SLC26A8: variants seen among roughly 807,000 people sequenced by gnomAD.
SLC26A8 encodes the protein testis anion transporter 1.
SLC26A8 carries 70 observed loss-of-function variants against 105.0 expected under a neutral mutation model. The observed-to-expected ratio is 0.67, with a 90% CI of 0.55 to 0.81. The LOEUF is 0.81. SLC26A8 is among the 40% of genes least tolerant of loss of function. SLC26A8 has a pLI of 0.00. For synonymous variants in SLC26A8, 415 were observed against 438.3 expected (o/e 0.95, Z 0.66); for missense variants, 998 against 1,181.8 (o/e 0.84, Z 2.28).
At chr6:35,987,999 C>A (rs1180021816) in intron 7 of SLC26A8, among the ~76,000 whole-genome samples, 1 of 151,518 alleles carries the variant, frequency 6.6e-6, no homozygotes, top group South Asian at 2.1e-4. Flanking sequence ...GCGACCTCCG[C>A]CTCCCGGGTT....
At chr6:35,950,018 C>A (rs1432600102) in intron 19 of SLC26A8, among the ~76,000 whole-genome samples, 1 of 151,920 alleles carries the variant, frequency 6.6e-6, no homozygotes, top group African/African-American at 2.4e-5. Context: ...AGGATGGTCT[C>A]GATCTCCTGA....
At chr6:36,015,478 T>C (rs941944040) in intron 2 of SLC26A8, among the ~76,000 whole-genome samples, 1 of 152,116 alleles carries the variant, frequency 6.6e-6, no homozygotes, top group African/African-American at 2.4e-5. Flanking sequence ...GAGAGAATTG[T>C]ATGTTTTAGA....
At chr6:35,985,598 C>T (rs778271392) in intron 7 of SLC26A8, among the ~76,000 whole-genome samples, 7 of 145,506 alleles carry the variant, frequency 4.8e-5, no homozygotes, top group Non-Finnish European at 8.9e-5. Context: ...GAGGCTGAGG[C>T]AGGAGAATCG....
At position 35,997,912 on chromosome 6, in the gene SLC26A8, G is replaced by T; in HGVS notation, c.453C>A (p.Phe151Leu). 3.1e-6 allele frequency: 5 copies of T among 1,613,596 alleles called. No homozygotes were observed. The highest frequency in any genetic ancestry group is 3.4e-6 in the Non-Finnish European group (4 of 1,179,768). The change falls in exon 5 of 20, where the codon TTC (phenylalanine) becomes TTA (leucine). Residue 151 changes from phenylalanine to leucine, a missense_variant. Transcript: ENST00000490799. ...GSCHQMSIGS[F>L]FLVSALLINV... is the part of the protein sequence containing the mutation. ...TGATCAGCAGAGCACTCACCAGGAA[G>T]AAGGAACCTGTGGAAGAAGATGTTA...
At chr6:35,957,330 ATT>A (rs67300118) in intron 16 of SLC26A8, among the ~76,000 whole-genome samples, 79 of 148,844 alleles carry the variant, frequency 5.3e-4, no homozygotes, top group Admixed American at 8.8e-4. Flanking sequence ...TGATGTTTCT[ATT>A]TTTTTTTTTA....
At chr6:35,958,052 T>C (rs1412573985) in intron 16 of SLC26A8, among the ~76,000 whole-genome samples, 1 of 152,238 alleles carries the variant, frequency 6.6e-6, no homozygotes, top group Non-Finnish European at 1.5e-5. Context: ...GGTGTCTTTG[T>C]CGAAGCCTGT....
intron 6 of SLC26A8, 130 bp from the exon 7 acceptor site, chr6:35,991,938 G>C (rs976541435): frequency 5.6e-6 from 5 of 889,666 alleles, no homozygotes; most frequent in Non-Finnish European, 7.9e-6. Flanking sequence ...GTCTTTATGG[G>C]TATTACTAGA....
intron 7 of SLC26A8, among the ~76,000 whole-genome samples, chr6:35,984,550 C>T (rs1207971328): frequency 6.6e-6 from 1 of 152,000 alleles, no homozygotes; most frequent in African/African-American, 2.4e-5. Flanking sequence ...TCTCAAACTC[C>T]TGACCTCGAG....
chr6:35,962,718 T>C (rs1379031675), intron 11 of SLC26A8, 97 bp from the exon 12 acceptor site: 5 of 1,048,116 alleles, frequency 4.8e-6, no homozygotes, highest in Admixed American at 2.1e-5. Flanking sequence ...CTTGCCACTT[T>C]GAGATATTTT....
chr6:35,957,257 G>A (rs764011455), intron 16 of SLC26A8, among the ~76,000 whole-genome samples: 10 of 151,544 alleles, frequency 6.6e-5, no homozygotes, highest in African/African-American at 1.2e-4. Context: ...ATATATGGAT[G>A]AGAACTATAA....
chr6:35,978,562 C>T (rs1773135351), intron 8 of SLC26A8, among the ~76,000 whole-genome samples: 1 of 151,942 alleles, frequency 6.6e-6, no homozygotes, highest in Non-Finnish European at 1.5e-5. Context: ...ATATGTATGC[C>T]TCAACAGTTG....
chr6:36,016,703 A>T (rs2127374261), intron 2 of SLC26A8, among the ~76,000 whole-genome samples: 1 of 152,358 alleles, frequency 6.6e-6, no homozygotes, highest in East Asian at 1.9e-4. Flanking sequence ...ACCGTTTACT[A>T]GGTGAAGACA....
intron 3 of SLC26A8, among the ~76,000 whole-genome samples, chr6:36,004,358 G>A (rs965167656): frequency 1.3e-5 from 2 of 152,128 alleles, no homozygotes; most frequent in African/African-American, 4.8e-5. Context: ...TTATAGGCAT[G>A]AGCCATTGCA....
Position 35,951,156 on chromosome 6 carries a change from G to T in SLC26A8, c.2472+7C>A. The T allele has an allele frequency of 6.8e-7, 1 of 1,461,094 alleles. No individual in the cohort carries two copies. Among genetic ancestry groups the T allele is most frequent in the Non-Finnish European group, 9.2e-7 (1 of 1,091,084 alleles). 90.5% of individuals were successfully genotyped at this position (1,461,094 alleles called of 1,614,324 possible). On this transcript the variant is annotated splice_region_variant and intron_variant, in intron 19 of 19. Transcript: ENST00000490799. Reference sequence around the variant, plus strand: ...CCCCAACCTCATGCTTTGTCGGTTTGTCTGACCTTGTCTGTTTCTGAGTAG... The same window carrying T: ...CCCCAACCTCATGCTTTGTCGGTTTTTCTGACCTTGTCTGTTTCTGAGTAG...
chr6:35,962,383 T>G, intron 12 of SLC26A8, 143 bp downstream of exon 12: 1 of 674,244 alleles, frequency 1.5e-6, no homozygotes. Flanking sequence ...TGACTCTCCT[T>G]TTTAAAGCAA....
At chr6:35,962,711 GC>G in intron 11 of SLC26A8, 90 bp from the exon 12 acceptor site, 1 of 1,159,802 alleles carries the variant, frequency 8.6e-7, no homozygotes, top group Non-Finnish European at 1.3e-6. Flanking sequence ...AGTTAGCCTT[GC>G]CACTTTGAGA....
At chr6:35,985,509 A>G (rs765099575) in intron 7 of SLC26A8, among the ~76,000 whole-genome samples, 2 of 151,866 alleles carry the variant, frequency 1.3e-5, no homozygotes, top group Non-Finnish European at 2.9e-5. Flanking sequence ...CCTGGCCAAC[A>G]TGGTGAAACC....
At chr6:35,967,882 C>T (rs1347243073) in intron 11 of SLC26A8, among the ~76,000 whole-genome samples, 1 of 152,130 alleles carries the variant, frequency 6.6e-6, no homozygotes, top group South Asian at 2.1e-4. Flanking sequence ...TTGAAACAGT[C>T]TCACTCGGTC....
chr6:35,954,896 G>C, intron 17 of SLC26A8: 1 of 387,766 alleles, frequency 2.6e-6, no homozygotes, highest in Non-Finnish European at 4.8e-6. Flanking sequence ...AGTGAGCCAA[G>C]ATTGTGCCAC....
Sources: allele counts gnomAD v4.1 joint callset (sites outside exome capture counted in the v4.1 genomes callset), GRCh38; gene constraint gnomAD v4.1.1; transcripts MANE v1.5; gene names NCBI Gene and HGNC (gene_info 2026-07-23, HGNC 2026-07-21).